The following DNAH11 variants were observed in gnomAD, a reference collection of about 807,000 sequenced individuals.
DNAH11 encodes the protein axonemal beta dynein heavy chain 11.
In DNAH11, 442 loss-of-function variants were observed where a neutral mutation model predicts 526.0. The observed-to-expected ratio is 0.84, with a 90% CI of 0.78 to 0.91. The LOEUF (loss-of-function observed/expected upper bound fraction) is 0.91, where lower values mean the gene tolerates loss of function less well. Among genes scored for constraint, DNAH11 ranks in the 40% least tolerant of loss-of-function variants. The pLI is 0.00. For synonymous variants in DNAH11, 2,461 were observed against 1,935.9 expected, an observed-to-expected ratio of 1.27 and a Z score of -7.12; for missense variants, 6,989 against 5,448.7, an observed-to-expected ratio of 1.28 and a Z score of -8.90.
At chr7:21,860,358 G>A (rs1201532759) in intron 68 of DNAH11, among the ~76,000 whole-genome samples, 3 of 151,904 alleles carry the variant, frequency 2.0e-5, no homozygotes, top group Non-Finnish European at 4.4e-5. Flanking sequence ...GTGCACAATG[G>A]CACAGCCACT....
chr7:21,759,461 A>G (rs1175284451), intron 54 of DNAH11, among the ~76,000 whole-genome samples: 3 of 152,212 alleles, frequency 2.0e-5, no homozygotes, highest in Non-Finnish European at 1.5e-5. Flanking sequence ...GTAATACAGG[A>G]AGATACGAGG....
At chr7:21,817,144 A>G (rs1400382795) in intron 64 of DNAH11, among the ~76,000 whole-genome samples, 1 of 152,104 alleles carries the variant, frequency 6.6e-6, no homozygotes, top group African/African-American at 2.4e-5. Context: ...GGGTGCCTGA[A>G]GTTAATTTAT....
intron 35 of DNAH11, among the ~76,000 whole-genome samples, chr7:21,691,992 G>C (rs1394576487): frequency 6.6e-6 from 1 of 152,214 alleles, no homozygotes. Flanking sequence ...CTCTGCCAAT[G>C]TATGCACTTA....
chr7:21,867,845 C>T lies in DNAH11; in HGVS notation c.11691-14C>T, dbSNP rs1172589329. Reference sequence around the variant, plus strand: ...AAACCACTGATCATGTTTTTATATTCTTGTTTTTTATAGAAATTTTGTAGA... The same window carrying T: ...AAACCACTGATCATGTTTTTATATTTTTGTTTTTTATAGAAATTTTGTAGA... On this transcript the variant is annotated splice_polypyrimidine_tract_variant and intron_variant, in intron 71 of 81. Coordinates refer to ENST00000409508, the MANE Select transcript of DNAH11 (RefSeq NM_001277115.2). The T allele has an allele frequency of 6.6e-7, 1 of 1,520,592 alleles. No homozygotes were observed. Among genetic ancestry groups the T allele is most frequent in the South Asian group, 1.2e-5 (1 of 82,950 alleles). 94.2% of individuals were successfully genotyped at this position (1,520,592 alleles called of 1,614,324 possible).
chr7:21,575,754 G>T (rs552696213), intron 8 of DNAH11, among the ~76,000 whole-genome samples: 2 of 152,110 alleles, frequency 1.3e-5, no homozygotes, highest in South Asian at 2.1e-4. Context: ...GAGATATTTG[G>T]TGCATGCACT....
At chr7:21,720,325 C>T (rs931769519) in intron 43 of DNAH11, among the ~76,000 whole-genome samples, 2 of 152,126 alleles carry the variant, frequency 1.3e-5, no homozygotes, top group African/African-American at 2.4e-5. Flanking sequence ...TAGAGTAACA[C>T]TTATTGATAA....
chr7:21,639,187 TA>T (rs1307394472), intron 28 of DNAH11, 122 bp downstream of exon 28: 4 of 1,205,796 alleles, frequency 3.3e-6, no homozygotes, highest in Non-Finnish European at 4.5e-6. Context: ...AATCTGCAGT[TA>T]AAATTTGTAA....
At position 21,735,293 on chromosome 7, in the gene DNAH11, T is replaced by G. The variant is rs1785555083; in HGVS notation, c.7441-347T>G. 2.0e-5 allele frequency among the ~76,000 whole-genome samples: 3 copies of G among 152,226 alleles called. No homozygotes were observed. In the South Asian group the frequency reaches 6.2e-4, roughly 32 times the overall value. ...ATAGTTTCTTATATGGTTACTATATTCCCTTCTGTGCTTACCCCAATGTTG... is the reference window on the plus strand; with the variant it reads ...ATAGTTTCTTATATGGTTACTATATGCCCTTCTGTGCTTACCCCAATGTTG... On this transcript the variant is annotated intron_variant, in intron 45 of 81. Transcript: ENST00000409508.
At position 21,774,001 on chromosome 7, in the gene DNAH11, T is replaced by C; in HGVS notation, c.9336+2T>C. Reference sequence around the variant, plus strand: ...AAGCTAAAAACCACAGCCTCTCAGGTATGACCAGGATGTGTTATTACTGAG... The same window carrying C: ...AAGCTAAAAACCACAGCCTCTCAGGCATGACCAGGATGTGTTATTACTGAG... On this transcript the variant is annotated splice_donor_variant, in intron 56 of 81. Transcript: ENST00000409508. LOFTEE classifies it high-confidence loss of function. 6.4e-7 allele frequency: 1 copy of C among 1,553,922 alleles called. No individual in the cohort carries two copies. Among genetic ancestry groups the C allele is most frequent in the Non-Finnish European group, 8.7e-7 (1 of 1,150,806 alleles).
Position 21,745,048 on chromosome 7 carries a change from A to G in DNAH11, c.8495A>G (p.Asp2832Gly). ...GCCATGCACCTAGTTTTGTTTGAAG[A>G]TGCCATGCAACATGTGTGAGTTAAC... Reference protein sequence around the residue: ...NAAMHLVLFEDAMQHVCRISR... With the variant: ...NAAMHLVLFEGAMQHVCRISR... The change falls in exon 51 of 82, where the codon GAT becomes GGT. Residue 2832 changes from aspartate to glycine, a missense_variant. Physicochemically the swap from Asp to Gly is moderately conservative, Grantham distance 94 (BLOSUM62 -1). Transcript: ENST00000409508. 2.5e-6 allele frequency: 4 copies of G among 1,607,412 alleles called. No individual in the cohort carries two copies. Among genetic ancestry groups the G allele is most frequent in the Non-Finnish European group, 3.4e-6 (4 of 1,176,754 alleles).
intron 57 of DNAH11, 131 bp from the exon 58 acceptor site, chr7:21,784,296 A>C (rs1446831788): frequency 2.8e-6 from 2 of 708,400 alleles, no homozygotes; most frequent in African/African-American, 3.6e-5. Context: ...TCTGTTTAAC[A>C]AATTCCTCAC....
chr7:21,827,297 T>C (rs774844343), intron 65 of DNAH11, among the ~76,000 whole-genome samples: 3 of 152,120 alleles, frequency 2.0e-5, no homozygotes, highest in Non-Finnish European at 4.4e-5. Context: ...TCTGGAAAGA[T>C]TTATCAACAT....
At chr7:21,661,311 A>C (rs1239964706) in intron 30 of DNAH11, among the ~76,000 whole-genome samples, 2 of 151,750 alleles carry the variant, frequency 1.3e-5, no homozygotes, top group African/African-American at 4.8e-5. Flanking sequence ...TGTGAATTAA[A>C]TTCCCTTCTT....
chr7:21,795,193 A>G (rs1398016462), intron 61 of DNAH11, among the ~76,000 whole-genome samples: 1 of 152,180 alleles, frequency 6.6e-6, no homozygotes, highest in African/African-American at 2.4e-5. Flanking sequence ...TAACATTTAA[A>G]AATGTAAAAT....
rs1291500970 is a variant in DNAH11 at position 21,867,015 on chromosome 7, G to A, written c.11690+352G>A. Among the ~76,000 whole-genome samples, 3 of 152,322 alleles carry A rather than the reference G, an allele frequency of 2.0e-5. No homozygotes were observed. The East Asian group carries it at 5.8e-4, about 29-fold the overall frequency. Reference sequence around the variant, plus strand: ...GTAATTTCCATCGTTTTCTTTCAGTGATGGCATTTTGGTTCTGAAGATTTT... The same window carrying A: ...GTAATTTCCATCGTTTTCTTTCAGTAATGGCATTTTGGTTCTGAAGATTTT... On this transcript the variant is annotated intron_variant, in intron 71 of 81. Transcript: ENST00000409508.
Position 21,901,362 on chromosome 7 carries a change from G to GTGCATTCT in DNAH11, c.*110_*117dup. The GTGCATTCT allele has an allele frequency of 7.3e-7, 1 of 1,372,072 alleles. No individual in the cohort carries two copies. Among genetic ancestry groups the GTGCATTCT allele is most frequent in the Non-Finnish European group, 9.5e-7 (1 of 1,050,440 alleles). The allele number at this position is 1,372,072 out of a possible 1,614,324, so 85.0% of individuals were successfully genotyped here. ...ATTCTAACTTTTTAGTAACTCACAC[G>GTGCATTCT]TGCATTCTTTTTTCAACGCTATCCT... On this transcript the variant is annotated 3_prime_UTR_variant, in exon 82 of 82. Coordinates refer to ENST00000409508, the MANE Select transcript of DNAH11 (RefSeq NM_001277115.2).
rs749861775 is a variant in DNAH11, at chr7:21,687,103, T to A, written c.5626T>A (p.Tyr1876Asn). The stretch of plus-strand genomic sequence containing the variant: ...TGTGTTTTCTATTGCTTAAAGGTGT[T>A]ATATTACCTTAACTCAATCACTTCA... ...LVITPLTDRC[Y>N]ITLTQSLHLT... The change falls in exon 33 of 82, where the codon TAT becomes AAT. Residue 1876 changes from tyrosine to asparagine, a missense_variant. Tyr to Asn is a moderately radical substitution (Grantham distance 143). Coordinates refer to ENST00000409508, the MANE Select transcript of DNAH11 (RefSeq NM_001277115.2). The A allele has an allele frequency of 6.2e-7, 1 of 1,612,614 alleles. No homozygotes were observed. Among genetic ancestry groups the A allele is most frequent in the South Asian group, 1.1e-5 (1 of 90,680 alleles).
At chr7:21,588,303 C>T (rs530073191) in intron 10 of DNAH11, 102 bp downstream of exon 10, 9 of 1,417,996 alleles carry the variant, frequency 6.3e-6, no homozygotes, top group South Asian at 5.7e-5. Context: ...TAGATATAGG[C>T]ACTACATTTT....
intron 15 of DNAH11, 99 bp from the exon 16 acceptor site, chr7:21,600,577 C>T (rs1429899211): frequency 7.9e-7 from 1 of 1,262,776 alleles, no homozygotes; most frequent in Non-Finnish European, 1.0e-6. Context: ...TTTCTAACTA[C>T]TCTCCCTTTG....
Sources: gnomAD v4.1 joint callset for allele counts (sites outside exome capture counted in the v4.1 genomes callset) on GRCh38, gnomAD v4.1.1 for gene constraint, MANE v1.5 for transcripts, NCBI Gene and HGNC (gene_info 2026-07-23, HGNC 2026-07-21) for gene names.